FBXO41: variants seen among roughly 807,000 people sequenced by gnomAD.
FBXO41 encodes F-box only protein 41.
A neutral mutation model predicts 81.6 loss-of-function variants in FBXO41; 33 were observed. The ratio of observed to expected loss-of-function variants is 0.40; its 90% CI spans 0.31 to 0.54. The LOEUF (loss-of-function observed/expected upper bound fraction) is 0.54, where lower values mean the gene tolerates loss of function less well. Among genes scored for constraint, FBXO41 ranks in the 20% least tolerant of loss-of-function variants. The pLI, the probability that FBXO41 is intolerant of heterozygous loss-of-function variation, is 0.39. For synonymous variants in FBXO41, 576 were observed against 552.7 expected (o/e 1.04, Z -0.59); for missense variants, 1,107 against 1,236.0 (o/e 0.90, Z 1.56).
chr2:73,283,796 C>A (rs1408396994), intron 1 of FBXO41, among the ~76,000 whole-genome samples: 1 of 152,134 alleles, frequency 6.6e-6, no homozygotes, highest in Non-Finnish European at 1.5e-5. Flanking sequence ...CCCTCAGAAA[C>A]CGGTAGGGAG....
In FBXO41 at chr2:73,269,654, C is replaced by A; in HGVS notation, c.-24G>T. ...ATGGCCCCGCCGCCCCCGCGGCACG[C>A]GGGCTCCACCGCGGCCGCCCCGCCG... On this transcript the variant is annotated 5_prime_UTR_variant, in exon 2 of 13. Coordinates refer to ENST00000520530, the MANE Select transcript of FBXO41 (RefSeq NM_001371389.2). This position sits in a 1 kb window ranked among gnomAD's most constrained non-coding sequence, Gnocchi z 7.0. The A allele has an allele frequency of 8.6e-7, 1 of 1,159,260 alleles. No individual in the cohort carries two copies. Among genetic ancestry groups the A allele is most frequent in the South Asian group, 3.8e-5 (1 of 26,172 alleles). The allele number at this position is 1,159,260 out of a possible 1,614,324, so 71.8% of individuals were successfully genotyped here.
rs1687806193 is a variant in FBXO41, at chr2:73,256,214, G to C, written c.*2768C>G. 6.6e-6 allele frequency: 1 copy of C among 152,306 alleles called. No homozygotes were observed. Among genetic ancestry groups the C allele is most frequent in the African/African-American group, 2.4e-5 (1 of 41,430 alleles). 9.4% of individuals were successfully genotyped at this position (152,306 alleles called of 1,614,324 possible). A position where few individuals can be genotyped will look rare whatever the true frequency, so the allele number is the denominator to read the frequency against. On this transcript the variant is annotated 3_prime_UTR_variant, in exon 13 of 13. Transcript: ENST00000520530. Reference sequence around the variant, plus strand: ...CTTTCTTGCATCTTACTGGGTATGAGATGTGAAGGGATCCCGTTTGGGTGG... The same window carrying C: ...CTTTCTTGCATCTTACTGGGTATGACATGTGAAGGGATCCCGTTTGGGTGG...
rs928347306 is a variant in FBXO41 at position 73,284,393 on chromosome 2, TGGAGGAGGA to T, written c.-381_-373del. The T allele has an allele frequency of 6.9e-6, 1 of 145,550 alleles. No homozygotes were observed. Among genetic ancestry groups the T allele is most frequent in the South Asian group, 2.2e-4 (1 of 4,504 alleles). The allele number at this position is 145,550 out of a possible 1,614,324, so 9.0% of individuals were successfully genotyped here. On this transcript the variant is annotated 5_prime_UTR_variant, in exon 1 of 13. Transcript: ENST00000520530. The surrounding 1 kb of genome is among the most constrained non-coding windows in gnomAD (Gnocchi z 7.4). The stretch of plus-strand genomic sequence containing the variant: ...CGCACGAACCCGGCGGGAGGAAGGA[TGGAGGAGGA>T]GGAGGAGGAGGAGGGGGAGGAGGGG...
In FBXO41 at chr2:73,256,946, C is replaced by A. The variant is rs1687836655; in HGVS notation, c.*2036G>T. ...GCAGGCTCAAGCCAAGCAGGGCATC[C>A]CTTTGTGCTTTGTCTAGGAGACAGG... is the stretch of plus-strand genomic sequence containing the variant. On this transcript the variant is annotated 3_prime_UTR_variant, in exon 13 of 13. Coordinates refer to ENST00000520530, the MANE Select transcript of FBXO41 (RefSeq NM_001371389.2). 1 of 152,926 alleles carries A rather than the reference C, an allele frequency of 6.5e-6. No individual in the cohort carries two copies. The highest frequency in any genetic ancestry group is 1.5e-5 in the Non-Finnish European group (1 of 68,308). 9.5% of individuals were successfully genotyped at this position (152,926 alleles called of 1,614,324 possible). A position where few individuals can be genotyped will look rare whatever the true frequency, so the allele number is the denominator to read the frequency against.
rs772139447 is a variant in FBXO41, at chr2:73,269,451, AGCGGCGGCGGCGGCCGCG to A, written c.162_179del (p.Ala56_Ala61del). ...CGGGAGCCAGCGGGAACCCCGAGGC[AGCGGCGGCGGCGGCCGCG>A]GCGGCGGCGGCGCCGTCGCAGATGC... On this transcript the variant is annotated inframe_deletion, in exon 2 of 13. Transcript: ENST00000520530. This position sits in a 1 kb window ranked among gnomAD's most constrained non-coding sequence, Gnocchi z 7.0. 1.6e-3 allele frequency: 2,024 copies of A among 1,291,548 alleles called. 124 individuals carry two copies. Among genetic ancestry groups the A allele is most frequent in the South Asian group, 9.4e-3 (407 of 43,250 alleles). The allele number at this position is 1,291,548 out of a possible 1,614,324, so 80.0% of individuals were successfully genotyped here.
At position 73,265,305 on chromosome 2, in the gene FBXO41, G is replaced by A; in HGVS notation, c.1541C>T (p.Pro514Leu). Residue 514 changes from proline to leucine, a missense_variant, in exon 5 of 13, where the codon CCA becomes CTA. Physicochemically the swap from Pro to Leu is moderately conservative, Grantham distance 98 (BLOSUM62 -3). Coordinates refer to ENST00000520530, the MANE Select transcript of FBXO41 (RefSeq NM_001371389.2). The part of the protein sequence containing the change: ...APRPGPAMAG[P>L]LSSCRLSARP... ...ACCTGAGAGCCGGCAGCTGCTCAAT[G>A]GCCCAGCCATAGCAGGCCCGGGGCG... 1 of 1,608,944 alleles carries A rather than the reference G, an allele frequency of 6.2e-7. No individual in the cohort carries two copies. Among genetic ancestry groups the A allele is most frequent in the South Asian group, 1.1e-5 (1 of 90,912 alleles).
chr2:73,266,400 T>G lies in FBXO41; in HGVS notation c.1131+57A>C. The G allele has an allele frequency of 1.4e-6, 2 of 1,431,040 alleles. No individual in the cohort carries two copies. Among genetic ancestry groups the G allele is most frequent in the Non-Finnish European group, 1.8e-6 (2 of 1,084,000 alleles). 88.6% of individuals were successfully genotyped at this position (1,431,040 alleles called of 1,614,324 possible). On this transcript the variant is annotated intron_variant, in intron 3 of 12. Transcript: ENST00000520530. This position sits in a 1 kb window ranked among gnomAD's most constrained non-coding sequence, Gnocchi z 5.3. ...GGGAGATGTCCAGCCATGTGAAAGGTGAGGTTGTGGGGGGCCAGGTGTGCA... is the reference window on the plus strand; with the variant it reads ...GGGAGATGTCCAGCCATGTGAAAGGGGAGGTTGTGGGGGGCCAGGTGTGCA...
intron 5 of FBXO41, among the ~76,000 whole-genome samples, 169 bp from the exon 6 acceptor site, chr2:73,264,688 C>A (rs1688166348): frequency 6.6e-6 from 1 of 152,036 alleles, no homozygotes; most frequent in African/African-American, 2.4e-5. Flanking sequence ...TTTGCGGTAC[C>A]CCATCTCCAG....
intron 2 of FBXO41, among the ~76,000 whole-genome samples, chr2:73,268,438 A>G (rs1457792149): frequency 6.6e-6 from 1 of 152,172 alleles, no homozygotes; most frequent in East Asian, 1.9e-4. Context: ...ATCTTTGGCT[A>G]GGCAAAAGAG....
Position 73,263,277 on chromosome 2 carries a change from T to C in FBXO41, c.2107A>G (p.Ile703Val). Residue 703 changes from isoleucine to valine, a missense_variant, in exon 9 of 13, where the codon ATT (isoleucine) becomes GTT (valine). Physicochemically the swap from Ile to Val is conservative, Grantham distance 29. Transcript: ENST00000520530. ...SATDPVGHEV[I>V]WALGAGCREI... ...CTGCAGCCTGCGCCCAGGGCCCAAA[T>C]GACCTCATGGCCCACGGGGTCTGTG... The C allele has an allele frequency of 6.4e-7, 1 of 1,550,936 alleles. No individual in the cohort carries two copies. Among genetic ancestry groups the C allele is most frequent in the Non-Finnish European group, 8.7e-7 (1 of 1,147,584 alleles).
chr2:73,280,250 A>T (rs1486875743), intron 1 of FBXO41, among the ~76,000 whole-genome samples: 1 of 152,118 alleles, frequency 6.6e-6, no homozygotes, highest in Non-Finnish European at 1.5e-5. Context: ...CTTTTCCTAA[A>T]GCCACTTCCC....
chr2:73,268,826 C>T lies in FBXO41; in HGVS notation c.805G>A (p.Ala269Thr), dbSNP rs1391225120. 4 of 1,577,240 alleles carry T rather than the reference C, an allele frequency of 2.5e-6. No homozygotes were observed. The highest frequency in any genetic ancestry group is 1.8e-5 in the Admixed American group (1 of 55,068). ...TCCACCTGGCGGGAGAGCTCAGACG[C>T]GCGCTCCTCCAGCTCCTCCTTCTCG... is the stretch of plus-strand genomic sequence containing the variant. ...GREKEELEER[A>T]SELSRQVDVS... Residue 269 changes from alanine (A) to threonine (T), a missense_variant, in exon 2 of 13, where the codon GCG becomes ACG. Physicochemically the swap from Ala to Thr is moderately conservative, Grantham distance 58. Transcript: ENST00000520530.
chr2:73,257,491 G>A lies in FBXO41; in HGVS notation c.*1491C>T, dbSNP rs1687857983. 6.6e-6 allele frequency: 1 copy of A among 152,264 alleles called. No homozygotes were observed. The highest frequency in any genetic ancestry group is 1.5e-5 in the Non-Finnish European group (1 of 68,130). The allele number at this position is 152,264 out of a possible 1,614,324, so 9.4% of individuals were successfully genotyped here. A position where few individuals can be genotyped will look rare whatever the true frequency, so the allele number is the denominator to read the frequency against. ...GAAGTTGGGTCCCTGGGAAGGACTG[G>A]GTAACGAGGGGACCCCATCCCCCGC... On this transcript the variant is annotated 3_prime_UTR_variant, in exon 13 of 13. Coordinates refer to ENST00000520530, the MANE Select transcript of FBXO41 (RefSeq NM_001371389.2). This position sits in a 1 kb window ranked among gnomAD's most constrained non-coding sequence, Gnocchi z 4.6.
intron 3 of FBXO41, 34 bp from the exon 4 acceptor site, chr2:73,266,000 G>A (rs1230916985): frequency 1.3e-6 from 2 of 1,544,344 alleles, no homozygotes; most frequent in East Asian, 2.4e-5. Flanking sequence ...TAAAGGAGAG[G>A]GGCGGAGGAG....
intron 8 of FBXO41, 118 bp from the exon 9 acceptor site, chr2:73,263,426 T>A: frequency 1.2e-6 from 1 of 819,140 alleles, no homozygotes; most frequent in Non-Finnish European, 1.9e-6. Flanking sequence ...CCAGACTAGC[T>A]TGGGCAATAC....
Position 73,260,914 on chromosome 2 carries a change from G to A in FBXO41, c.2172-56C>T, listed in dbSNP as rs189026105. 2.1e-6 allele frequency: 3 copies of A among 1,427,692 alleles called. No individual in the cohort carries two copies. Among genetic ancestry groups the A allele is most frequent in the African/African-American group, 1.4e-5 (1 of 70,662 alleles). 88.4% of individuals were successfully genotyped at this position (1,427,692 alleles called of 1,614,324 possible). On this transcript the variant is annotated intron_variant, in intron 9 of 12. Transcript: ENST00000520530. This position sits in a 1 kb window ranked among gnomAD's most constrained non-coding sequence, Gnocchi z 5.0. ...AAGTCTCTGGATGCTTGATAACCCAGCATGCTCCTCCTGTGGGACCCCTCC... is the reference window on the plus strand; with the variant it reads ...AAGTCTCTGGATGCTTGATAACCCAACATGCTCCTCCTGTGGGACCCCTCC...
intron 9 of FBXO41, among the ~76,000 whole-genome samples, 167 bp downstream of exon 9, chr2:73,263,046 A>G (rs1247704954): frequency 6.6e-6 from 1 of 152,078 alleles, no homozygotes; most frequent in Non-Finnish European, 1.5e-5. Context: ...TGCTCGACCA[A>G]CCAGGTCTGA....
intron 1 of FBXO41, among the ~76,000 whole-genome samples, chr2:73,283,729 G>T (rs951566494): frequency 6.6e-6 from 1 of 152,186 alleles, no homozygotes; most frequent in Non-Finnish European, 1.5e-5. Flanking sequence ...ACACCGGCAC[G>T]CACAGACACC....
At chr2:73,276,605 G>GAGAGAGAGAGAGAGAGAGA (rs1647508694) in intron 1 of FBXO41, among the ~76,000 whole-genome samples, 7 of 46,244 alleles carry the variant, frequency 1.5e-4, no homozygotes, top group African/African-American at 1.0e-3. Flanking sequence ...AGAGAGAGAG[G>GAGAGAGAGAGAGAGAGAGA]GAGAGAGGGA....
Sources: gnomAD v4.1 joint callset for allele counts (sites outside exome capture counted in the v4.1 genomes callset) on GRCh38, gnomAD v4.1.1 for gene constraint, Gnocchi (gnomAD v3.1) non-coding constraint, MANE v1.5 for transcripts, NCBI Gene and HGNC (gene_info 2026-07-23, HGNC 2026-07-21) for gene names.